Variants in XDH observed in about 807,000 individuals in gnomAD.
The protein encoded by XDH is xanthine dehydrogenase/oxidase.
In XDH, 138 loss-of-function variants were observed where a neutral mutation model predicts 156.1. The observed-to-expected ratio is 0.88, with a 90% CI of 0.77 to 1.02. The LOEUF is 1.02. Among genes scored for constraint, XDH ranks in the 50% least tolerant of loss-of-function variants. The pLI, the probability that XDH is intolerant of heterozygous loss-of-function variation, is 0.00. For missense variants in XDH, 1,849 were observed against 1,684.9 expected (o/e 1.10, Z -1.71); for synonymous variants, 669 against 625.7 (o/e 1.07, Z -1.03).
chr2:31,352,973 G>A (rs538626793), intron 24 of XDH, among the ~76,000 whole-genome samples: 5 of 147,264 alleles, frequency 3.4e-5, no homozygotes, highest in African/African-American at 7.5e-5. Flanking sequence ...TGTCTATCTC[G>A]GCCTCCCAAA....
chr2:31,341,200 C>T, intron 33 of XDH, 129 bp downstream of exon 33: 1 of 969,550 alleles, frequency 1.0e-6, no homozygotes, highest in South Asian at 1.4e-5. Context: ...GGGGGAAACT[C>T]CCTAGGTTCC....
chr2:31,375,019 C>CTTTTTTT (rs757150117), intron 15 of XDH, among the ~76,000 whole-genome samples: 6 of 101,232 alleles, frequency 5.9e-5, no homozygotes, highest in African/African-American at 9.7e-5. Context: ...TTCTTTCTTT[C>CTTTTTTT]TTTCTTTTTT....
intron 24 of XDH, among the ~76,000 whole-genome samples, chr2:31,358,551 T>C (rs2148762322): frequency 6.6e-6 from 1 of 152,250 alleles, no homozygotes; most frequent in East Asian, 1.9e-4. Flanking sequence ...ATATATTAAT[T>C]ATACCATGAC....
chr2:31,365,336 T>C, intron 23 of XDH, 121 bp downstream of exon 23: 1 of 1,009,438 alleles, frequency 9.9e-7, no homozygotes, highest in Non-Finnish European at 1.6e-6. Flanking sequence ...TGCTATATCT[T>C]ATTTGAACTT....
intron 29 of XDH, 146 bp from the exon 30 acceptor site, chr2:31,346,989 T>A (rs1206203173): frequency 7.8e-6 from 8 of 1,025,884 alleles, no homozygotes; most frequent in South Asian, 1.3e-5. Context: ...CACTCCAGAA[T>A]GATCAAGGCC....
At chr2:31,370,190 A>T (rs758232607) in intron 18 of XDH, among the ~76,000 whole-genome samples, 165 bp downstream of exon 18, 6 of 152,246 alleles carry the variant, frequency 3.9e-5, no homozygotes, top group Non-Finnish European at 5.9e-5. Flanking sequence ...TAAACAAGTA[A>T]CATATTCTAT....
At chr2:31,381,090 G>T (rs1234986643) in intron 12 of XDH, among the ~76,000 whole-genome samples, 2 of 152,038 alleles carry the variant, frequency 1.3e-5, no homozygotes, top group Non-Finnish European at 2.9e-5. Flanking sequence ...CCGCTTCCCA[G>T]GTTCAAGTGA....
In XDH at chr2:31,341,331, G is replaced by C. The variant is rs1685118179; in HGVS notation, c.3583C>G (p.Gln1195Glu). The C allele has an allele frequency of 2.5e-6, 4 of 1,571,164 alleles. No homozygotes were observed. The highest frequency in any genetic ancestry group is 3.5e-6 in the Non-Finnish European group (4 of 1,155,592). Reference sequence around the variant, plus strand: ...ACCCTGGTCCCACTGAGCCTCACCTGTCCAATATCAATGGCAGGGTTTAGA... The same window carrying C: ...ACCCTGGTCCCACTGAGCCTCACCTCTCCAATATCAATGGCAGGGTTTAGA... ...SSLNPAIDIG[Q>E]VEGAFVQGLG... is the part of the protein sequence containing the mutation. The change falls in exon 33 of 36, where the codon CAG becomes GAG. Residue 1195 changes from glutamine (Q) to glutamate (E), a missense_variant and splice_region_variant. Transcript: ENST00000379416.
chr2:31,401,346 G>C lies in XDH; in HGVS notation c.198-18C>G. ...AAAAGTGGCTAGAACCCCAGATTAA[G>C]GTCATTCCATTTATTGTCCACTCAG... On this transcript the variant is annotated intron_variant, in intron 3 of 35. Coordinates refer to ENST00000379416, the MANE Select transcript of XDH (RefSeq NM_000379.4). 2 of 1,613,418 alleles carry C rather than the reference G, an allele frequency of 1.2e-6. No individual in the cohort carries two copies.
At chr2:31,395,244 A>C (rs1307429176) in intron 6 of XDH, among the ~76,000 whole-genome samples, 2 of 152,122 alleles carry the variant, frequency 1.3e-5, no homozygotes, top group Admixed American at 6.5e-5. Flanking sequence ...CTCACCTGTG[A>C]ACTTCACAAG....
intron 3 of XDH, among the ~76,000 whole-genome samples, chr2:31,402,346 G>T (rs1219584807): frequency 1.3e-5 from 2 of 152,154 alleles, no homozygotes; most frequent in African/African-American, 4.8e-5. Context: ...CCCTGGTGGA[G>T]CTCCTGAACT....
intron 24 of XDH, 74 bp downstream of exon 24, chr2:31,364,084 G>A: frequency 2.1e-6 from 3 of 1,406,906 alleles, no homozygotes; most frequent in Non-Finnish European, 3.0e-6. Flanking sequence ...GACTGGGGAG[G>A]CCTGTGCCTG....
intron 9 of XDH, among the ~76,000 whole-genome samples, chr2:31,386,035 T>C (rs995163382): frequency 1.3e-5 from 2 of 152,224 alleles, no homozygotes; most frequent in Admixed American, 1.3e-4. Flanking sequence ...AGTACCTGGC[T>C]CATGCTCGGT....
In XDH at chr2:31,379,859, C is replaced by T; in HGVS notation, c.1242+8G>A. On this transcript the variant is annotated splice_region_variant and intron_variant, in intron 13 of 35. Coordinates refer to ENST00000379416, the MANE Select transcript of XDH (RefSeq NM_000379.4). ...GAGCAGAGCCTGGAACCACTTCCAA[C>T]ATCTCACCTCCCTGCTGTAGGGGAT... is the stretch of plus-strand genomic sequence containing the variant. 1 of 1,613,748 alleles carries T rather than the reference C, an allele frequency of 6.2e-7. No individual in the cohort carries two copies. Among genetic ancestry groups the T allele is most frequent in the Non-Finnish European group, 8.5e-7 (1 of 1,179,620 alleles).
intron 24 of XDH, among the ~76,000 whole-genome samples, chr2:31,362,296 G>C (rs963153801): frequency 1.3e-5 from 2 of 152,140 alleles, no homozygotes; most frequent in Non-Finnish European, 2.9e-5. Flanking sequence ...GATCCAAAAA[G>C]GGGAGGCTCT....
rs1332438504 is a variant in XDH, at chr2:31,405,961, C to T, written c.46G>A (p.Val16Met). 4.3e-6 allele frequency: 7 copies of T among 1,614,000 alleles called. No individual in the cohort carries two copies. The South Asian group carries it at 4.4e-5, about 10-fold the overall frequency. ...LVFFVNGRKV[V>M]EKNADPETTL... is the part of the protein sequence containing the mutation. ...GTCTCTGGATCTGCATTTTTCTCCA[C>T]CACCTATTAAAATAAATGAAAGAAA... The change falls in exon 2 of 36, where the codon GTG (valine) becomes ATG (methionine). Residue 16 changes from valine (V) to methionine (M), a missense_variant. By Grantham distance (21) the Val-to-Met change is conservative (BLOSUM62 1). Coordinates refer to ENST00000379416, the MANE Select transcript of XDH (RefSeq NM_000379.4).
At chr2:31,337,563 G>T (rs1419754517) in intron 35 of XDH, 78 bp downstream of exon 35, 2 of 1,603,716 alleles carry the variant, frequency 1.2e-6, no homozygotes, top group African/African-American at 1.3e-5. Flanking sequence ...CCTCTCCTCT[G>T]TGCAGAACCT....
intron 16 of XDH, 129 bp downstream of exon 16, chr2:31,373,744 C>T (rs774512791): frequency 1.1e-4 from 94 of 860,006 alleles, no homozygotes; most frequent in Middle Eastern, 2.2e-4. Context: ...TGGGTATTTA[C>T]GCACAAGAGT....
intron 6 of XDH, among the ~76,000 whole-genome samples, chr2:31,397,375 CCAAAGGCACTGCCAAGCT>C (rs1686939011): frequency 6.6e-6 from 1 of 152,192 alleles, no homozygotes; most frequent in African/African-American, 2.4e-5. Flanking sequence ...GCTGCCAAGC[CCAAAGGCACTGCCAAGCT>C]CAAAGGCACT....
Sources: allele counts gnomAD v4.1 joint callset (sites outside exome capture counted in the v4.1 genomes callset), GRCh38; gene constraint gnomAD v4.1.1; transcripts MANE v1.5; gene names NCBI Gene and HGNC (gene_info 2026-07-23, HGNC 2026-07-21).